The following CTDSPL variants were observed in gnomAD, a reference collection of about 807,000 sequenced individuals.
The protein encoded by CTDSPL is CTD small phosphatase-like protein.
Under a neutral mutation model 30.5 loss-of-function variants are expected in CTDSPL, and 8 were observed. That is an observed-to-expected ratio of 0.26 (90% CI 0.15 to 0.47). CTDSPL has a LOEUF of 0.47. Ranked by LOEUF, CTDSPL falls within the 20% of genes least tolerant of loss-of-function variation. The probability of loss-of-function intolerance (pLI) is 0.99; values close to 1 mark genes in which losing one functional copy is unlikely to be tolerated. For missense variants in CTDSPL, 248 were observed against 366.1 expected, an observed-to-expected ratio of 0.68 and a Z score of 2.63; for synonymous variants, 110 against 137.9, an observed-to-expected ratio of 0.80 and a Z score of 1.42.
intron 1 of CTDSPL, among the ~76,000 whole-genome samples, chr3:37,927,735 T>C (rs2125613641): frequency 6.7e-6 from 1 of 150,374 alleles, no homozygotes; most frequent in Admixed American, 6.6e-5. Flanking sequence ...CTTAAGTTTT[T>C]AAGTGAACAG....
In CTDSPL at chr3:37,982,177, A is replaced by G. The variant is rs1699500153; in HGVS notation, c.*1310A>G. On this transcript the variant is annotated 3_prime_UTR_variant, in exon 8 of 8. Coordinates refer to ENST00000273179, the MANE Select transcript of CTDSPL (RefSeq NM_001008392.2). ...AACCTGTGGCCTCAACCAGCCACCA[A>G]GCTGATGTGGCCCAAGTCCATCTCT... The G allele has an allele frequency of 3.2e-6, 1 of 315,154 alleles. No homozygotes were observed. The highest frequency in any genetic ancestry group is 6.3e-6 in the Non-Finnish European group (1 of 159,836). 19.5% of individuals were successfully genotyped at this position (315,154 alleles called of 1,614,324 possible).
At chr3:37,910,596 AG>A (rs1366133367) in intron 1 of CTDSPL, among the ~76,000 whole-genome samples, 1 of 152,262 alleles carries the variant, frequency 6.6e-6, no homozygotes, top group African/African-American at 2.4e-5. Context: ...TCAGTTCATT[AG>A]AAGTAGACAG....
chr3:37,952,102 T>C (rs1434697368), intron 2 of CTDSPL, among the ~76,000 whole-genome samples: 3 of 151,320 alleles, frequency 2.0e-5, no homozygotes, highest in Admixed American at 2.0e-4. Context: ...ACTTGAGGCC[T>C]GGAGGTTGAG....
intron 1 of CTDSPL, among the ~76,000 whole-genome samples, chr3:37,925,250 T>C (rs76820403): frequency 0.028 from 4,315 of 152,270 alleles, 85 homozygotes; most frequent in South Asian, 0.095. Flanking sequence ...TTTCCCTCAA[T>C]GTCTAGTGCA....
intron 1 of CTDSPL, among the ~76,000 whole-genome samples, chr3:37,893,339 T>G (rs1698351797): frequency 6.6e-6 from 1 of 152,196 alleles, no homozygotes; most frequent in Admixed American, 6.5e-5. Context: ...TGAACAAAAA[T>G]TAACACTTCA....
intron 1 of CTDSPL, among the ~76,000 whole-genome samples, chr3:37,876,481 T>C (rs1698135908): frequency 6.6e-6 from 1 of 152,186 alleles, no homozygotes; most frequent in African/African-American, 2.4e-5. Flanking sequence ...GCACTTGATA[T>C]TGTCAGTTTT....
rs1699512545 is a variant in CTDSPL at position 37,983,181 on chromosome 3, C to T, written c.*2314C>T. 6.6e-6 allele frequency: 1 copy of T among 152,478 alleles called. No homozygotes were observed. Among genetic ancestry groups the T allele is most frequent in the Non-Finnish European group, 1.5e-5 (1 of 68,286 alleles). The allele number at this position is 152,478 out of a possible 1,614,324, so 9.4% of individuals were successfully genotyped here. On this transcript the variant is annotated 3_prime_UTR_variant, in exon 8 of 8. Transcript: ENST00000273179. The stretch of plus-strand genomic sequence containing the variant: ...ACACAGAATGTCTGGAGAGGGCCAG[C>T]AGGCCCTCTGAGGGTTCTGGAATCT...
intron 1 of CTDSPL, among the ~76,000 whole-genome samples, chr3:37,946,250 G>T (rs1434424798): frequency 6.6e-6 from 1 of 152,212 alleles, no homozygotes; most frequent in Non-Finnish European, 1.5e-5. Flanking sequence ...CTGACTTGTG[G>T]CAGCTTGTCG....
At chr3:37,891,696 G>A (rs763438655) in intron 1 of CTDSPL, among the ~76,000 whole-genome samples, 1 of 151,884 alleles carries the variant, frequency 6.6e-6, no homozygotes, top group Non-Finnish European at 1.5e-5. Flanking sequence ...GTGTTTGTTT[G>A]TTTATTATAG....
chr3:37,925,461 C>T (rs1575301340), intron 1 of CTDSPL, among the ~76,000 whole-genome samples: 1 of 152,136 alleles, frequency 6.6e-6, no homozygotes, highest in Admixed American at 6.5e-5. Context: ...CCCGCTGGGG[C>T]TTGTTGGAGG....
intron 1 of CTDSPL, among the ~76,000 whole-genome samples, chr3:37,908,028 C>T (rs1463239816): frequency 6.6e-6 from 1 of 152,236 alleles, no homozygotes. Context: ...AAAGCTTCTA[C>T]AGTTCAGTTT....
At chr3:37,929,171 A>C (rs1559636513) in intron 1 of CTDSPL, among the ~76,000 whole-genome samples, 1 of 152,112 alleles carries the variant, frequency 6.6e-6, no homozygotes, top group Non-Finnish European at 1.5e-5. Context: ...TACTATTTTA[A>C]TTACCATAGC....
At chr3:37,957,890 C>T (rs1017800851) in intron 3 of CTDSPL, among the ~76,000 whole-genome samples, 7 of 152,146 alleles carry the variant, frequency 4.6e-5, no homozygotes, top group African/African-American at 1.7e-4. Flanking sequence ...AACTGAAGAC[C>T]GACTCCCAAA....
chr3:37,925,570 G>T (rs1575301370), intron 1 of CTDSPL, among the ~76,000 whole-genome samples: 1 of 152,176 alleles, frequency 6.6e-6, no homozygotes, highest in Non-Finnish European at 1.5e-5. Flanking sequence ...CGTATGCCCT[G>T]CAGAGGCCTC....
chr3:37,927,422 A>G (rs1698792823), intron 1 of CTDSPL, among the ~76,000 whole-genome samples: 2 of 152,106 alleles, frequency 1.3e-5, no homozygotes, highest in South Asian at 2.1e-4. Context: ...TGTATGTGCA[A>G]ATATTCCAAA....
Position 37,937,361 on chromosome 3 carries a change from CCA to C in CTDSPL, c.80-9695_80-9694del, listed in dbSNP as rs1334256354. Among the ~76,000 whole-genome samples, 3 of 150,176 alleles carry C rather than the reference CCA, an allele frequency of 2.0e-5. No homozygotes were observed. The East Asian group carries it at 5.9e-4, about 29-fold the overall frequency. On this transcript the variant is annotated intron_variant, in intron 1 of 7. Coordinates refer to ENST00000273179, the MANE Select transcript of CTDSPL (RefSeq NM_001008392.2). ...CAGATCCCTCATGAGTAAGTAAATACCATCTGGCCTGAGTGAGTTCTTGCTCT... is the reference window on the plus strand; with the variant it reads ...CAGATCCCTCATGAGTAAGTAAATACTCTGGCCTGAGTGAGTTCTTGCTCT...
intron 1 of CTDSPL, among the ~76,000 whole-genome samples, chr3:37,875,902 T>C (rs1195748677): frequency 6.6e-6 from 1 of 152,218 alleles, no homozygotes; most frequent in Non-Finnish European, 1.5e-5. Context: ...TAGTAGACCT[T>C]GTATCACTAC....
In CTDSPL at chr3:37,981,611, A is replaced by G. The variant is rs1412799174; in HGVS notation, c.*744A>G. On this transcript the variant is annotated 3_prime_UTR_variant, in exon 8 of 8. Coordinates refer to ENST00000273179, the MANE Select transcript of CTDSPL (RefSeq NM_001008392.2). ...TCAACACTTTAGGAAACAATAGATT[A>G]TTTTATATTATTATTTCTGATGGTG... 9 of 317,264 alleles carry G rather than the reference A, an allele frequency of 2.8e-5. No homozygotes were observed. The highest frequency in any genetic ancestry group is 2.6e-4 in the Admixed American group (6 of 23,494). 19.7% of individuals were successfully genotyped at this position (317,264 alleles called of 1,614,324 possible). A position where few individuals can be genotyped will look rare whatever the true frequency, so the allele number is the denominator to read the frequency against.
At chr3:37,944,068 G>A (rs926126766) in intron 1 of CTDSPL, among the ~76,000 whole-genome samples, 3 of 150,122 alleles carry the variant, frequency 2.0e-5, no homozygotes, top group African/African-American at 4.8e-5. Flanking sequence ...GAATTAGGCT[G>A]AAGGTTGAGA....
Sources: allele counts gnomAD v4.1 joint callset (sites outside exome capture counted in the v4.1 genomes callset), GRCh38; gene constraint gnomAD v4.1.1; transcripts MANE v1.5; gene names NCBI Gene and HGNC (gene_info 2026-07-23, HGNC 2026-07-21).